CEP83: variants seen among roughly 807,000 people sequenced by gnomAD.
The protein encoded by CEP83 is centrosomal protein of 83 kDa.
Under a neutral mutation model 101.9 loss-of-function variants are expected in CEP83, and 70 were observed. That is an observed-to-expected ratio of 0.69 (90% CI 0.57 to 0.84). The LOEUF is 0.84. CEP83 is among the 40% of genes least tolerant of loss of function. The pLI is 0.00. For missense variants in CEP83, 715 were observed against 787.2 expected (o/e 0.91, Z 1.10); for synonymous variants, 264 against 267.9 (o/e 0.99, Z 0.14).
chr12:94,403,718 T>A (rs2063380298), intron 4 of CEP83, among the ~76,000 whole-genome samples: 1 of 152,172 alleles, frequency 6.6e-6, no homozygotes, highest in South Asian at 2.1e-4. Context: ...CACACTCTTT[T>A]ATAGAACTCG....
downstream of CEP83, chr12:94,305,098 C>A: frequency 1.3e-6 from 1 of 766,458 alleles, no homozygotes; most frequent in Non-Finnish European, 2.2e-6. Context: ...CAGATTTTAC[C>A]ACTCACAGCA....
chr12:94,323,969 G>A (rs1593153172), intron 14 of CEP83, among the ~76,000 whole-genome samples: 1 of 152,150 alleles, frequency 6.6e-6, no homozygotes, highest in Non-Finnish European at 1.5e-5. Flanking sequence ...TTCTGTTAGG[G>A]TGTTGAATTA....
chr12:94,423,275 G>T (rs1372425295), intron 2 of CEP83, among the ~76,000 whole-genome samples: 1 of 151,940 alleles, frequency 6.6e-6, no homozygotes, highest in Non-Finnish European at 1.5e-5. Context: ...GTAGAGATGG[G>T]GTTTCTCCAT....
the CEP83 span, among the ~76,000 whole-genome samples, chr12:94,289,348 T>C: frequency 6.6e-6 from 1 of 152,152 alleles, no homozygotes; most frequent in African/African-American, 2.4e-5. Context: ...CCATTGATGA[T>C]TGGAGGGGAA....
intron 1 of CEP83, among the ~76,000 whole-genome samples, chr12:94,442,899 A>G (rs1343216414): frequency 6.6e-6 from 1 of 152,010 alleles, no homozygotes; most frequent in Non-Finnish European, 1.5e-5. Context: ...ATTCTTCCCC[A>G]TTTCTAGAGC....
intron 6 of CEP83, among the ~76,000 whole-genome samples, chr12:94,391,494 G>T (rs2137392387): frequency 6.6e-6 from 1 of 152,222 alleles, no homozygotes; most frequent in South Asian, 2.1e-4. Context: ...AACATGGAAA[G>T]AAACAACCGG....
chr12:94,323,560 G>A (rs1022445886), intron 14 of CEP83, among the ~76,000 whole-genome samples: 6 of 152,106 alleles, frequency 3.9e-5, no homozygotes, highest in East Asian at 3.9e-4. Flanking sequence ...ATCCCAATGC[G>A]TGTACCTGGA....
intron 14 of CEP83, among the ~76,000 whole-genome samples, chr12:94,321,959 TA>T (rs1263707135): frequency 6.6e-6 from 1 of 151,922 alleles, no homozygotes; most frequent in Non-Finnish European, 1.5e-5. Context: ...CTTTTCATCT[TA>T]AATTTTCCAG....
At chr12:94,448,157 C>A (rs1319361070) in intron 1 of CEP83, among the ~76,000 whole-genome samples, 2 of 151,808 alleles carry the variant, frequency 1.3e-5, no homozygotes, top group African/African-American at 4.8e-5. Flanking sequence ...ACAAAAAAAA[C>A]TAGAGTGGCT....
At chr12:94,274,155 TAAAAAAAAAAA>T in the CEP83 span, among the ~76,000 whole-genome samples, 11 of 45,376 alleles carry the variant, frequency 2.4e-4, no homozygotes, top group East Asian at 3.2e-3. Context: ...ACCCTGTCTC[TAAAAAAAAAAA>T]AAAAAAAAAA....
At position 94,385,753 on chromosome 12, in the gene CEP83, A is replaced by T. The variant is rs144565426; in HGVS notation, c.550-6711T>A. ...TTCCTTTACTTATTTCTGAATCTTCATTCTGGAATGCAGCTAAGATATAGT... is the reference window on the plus strand; with the variant it reads ...TTCCTTTACTTATTTCTGAATCTTCTTTCTGGAATGCAGCTAAGATATAGT... On this transcript the variant is annotated intron_variant, in intron 6 of 16. Coordinates refer to ENST00000397809, the MANE Select transcript of CEP83 (RefSeq NM_016122.3). Among the ~76,000 whole-genome samples, 7 of 152,224 alleles carry T rather than the reference A, an allele frequency of 4.6e-5. 1 individual carries two copies. Among genetic ancestry groups the T allele is most frequent in the Admixed American group, 2.0e-4 (3 of 15,286 alleles).
chr12:94,328,953 C>T (rs181254696), intron 14 of CEP83, among the ~76,000 whole-genome samples: 67 of 152,296 alleles, frequency 4.4e-4, no homozygotes, highest in African/African-American at 1.5e-3. Flanking sequence ...TAAAATTATA[C>T]ATACTTATAT....
chr12:94,401,675 C>G lies in CEP83; in HGVS notation c.418-694G>C, dbSNP rs145617157. Reference sequence around the variant, plus strand: ...ATGTCTCCTAAAATACCCAGCTCACCATAAATCTTTAGTTCAAAGATTTCT... The same window carrying G: ...ATGTCTCCTAAAATACCCAGCTCACGATAAATCTTTAGTTCAAAGATTTCT... On this transcript the variant is annotated intron_variant, in intron 5 of 16. Coordinates refer to ENST00000397809, the MANE Select transcript of CEP83 (RefSeq NM_016122.3). Among the ~76,000 whole-genome samples the G allele has an allele frequency of 7.0e-4, 106 of 152,208 alleles. 1 individual carries two copies. In the East Asian group the frequency reaches 0.019, roughly 28 times the overall value.
intron 11 of CEP83, among the ~76,000 whole-genome samples, chr12:94,355,955 G>A (rs1282394546): frequency 1.3e-5 from 2 of 152,192 alleles, no homozygotes; most frequent in Non-Finnish European, 2.9e-5. Flanking sequence ...AGGGCTCTCA[G>A]CTCTGAAGGC....
At chr12:94,392,815 A>C (rs2062637306) in intron 6 of CEP83, among the ~76,000 whole-genome samples, 3 of 152,240 alleles carry the variant, frequency 2.0e-5, no homozygotes, top group Non-Finnish European at 2.9e-5. Context: ...TCCCACAGAA[A>C]TACAAACTAC....
At chr12:94,279,404 T>C in the CEP83 span, 1 of 1,418,088 alleles carries the variant, frequency 7.1e-7, no homozygotes, top group Non-Finnish European at 9.7e-7. Flanking sequence ...AAGGTTTGTG[T>C]CTTTTATGAA....
rs1172667896 is a variant in CEP83 at position 94,307,870 on chromosome 12, T to C, written c.*943A>G. 1.3e-5 allele frequency: 2 copies of C among 152,198 alleles called. No homozygotes were observed. The highest frequency in any genetic ancestry group is 4.8e-5 in the African/African-American group (2 of 41,446). 9.4% of individuals were successfully genotyped at this position (152,198 alleles called of 1,614,324 possible). A position where few individuals can be genotyped will look rare whatever the true frequency, so the allele number is the denominator to read the frequency against. On this transcript the variant is annotated 3_prime_UTR_variant, in exon 17 of 17. Coordinates refer to ENST00000397809, the MANE Select transcript of CEP83 (RefSeq NM_016122.3). ...ATTACAGTCCTGGCCTTCTTCACTATCAACTGGGACTTTTGACTATGAACA... is the reference window on the plus strand; with the variant it reads ...ATTACAGTCCTGGCCTTCTTCACTACCAACTGGGACTTTTGACTATGAACA...
At chr12:94,424,491 G>A (rs1334955732) in intron 2 of CEP83, 21 of 1,613,756 alleles carry the variant, frequency 1.3e-5, no homozygotes, top group African/African-American at 4.0e-5. Flanking sequence ...GAGATAACCT[G>A]GCCAAAGGGC....
At chr12:94,423,558 T>C (rs1295486078) in intron 2 of CEP83, among the ~76,000 whole-genome samples, 2 of 150,216 alleles carry the variant, frequency 1.3e-5, no homozygotes, top group East Asian at 1.9e-4. Context: ...TCAGCAACAG[T>C]AAAGGGCAGG....
Sources: gnomAD v4.1 joint callset for allele counts (sites outside exome capture counted in the v4.1 genomes callset) on GRCh38, gnomAD v4.1.1 for gene constraint, MANE v1.5 for transcripts, NCBI Gene and HGNC (gene_info 2026-07-23, HGNC 2026-07-21) for gene names.